Variants in GRXCR2 observed in about 807,000 individuals in gnomAD.
GRXCR2 encodes glutaredoxin domain-containing cysteine-rich protein 2.
GRXCR2 carries 23 observed loss-of-function variants against 24.8 expected under a neutral mutation model. That is an observed-to-expected ratio of 0.93 (90% CI 0.67 to 1.32). GRXCR2 has a LOEUF of 1.32. GRXCR2 is among the 40% of genes most tolerant of loss of function. The probability of loss-of-function intolerance (pLI) is 0.00; values close to 1 mark genes in which losing one functional copy is unlikely to be tolerated. For synonymous variants in GRXCR2, 130 were observed against 116.1 expected (o/e 1.12, Z -0.77); for missense variants, 315 against 303.4 (o/e 1.04, Z -0.28).
At chr5:145,897,616 C>T (rs1346429944) in intron 2 of GRXCR2, among the ~76,000 whole-genome samples, 1 of 151,916 alleles carries the variant, frequency 6.6e-6, no homozygotes, top group Non-Finnish European at 1.5e-5. Context: ...TTATACTAAC[C>T]ATACACTCAG....
downstream of GRXCR2, among the ~76,000 whole-genome samples, chr5:145,858,288 TG>T (rs1345157156): frequency 1.5e-5 from 2 of 135,492 alleles, no homozygotes; most frequent in African/African-American, 5.5e-5. Context: ...CACTCCAGCC[TG>T]AGCAACAGAG....
At chr5:145,916,979 T>A (rs1429232847) in intron 2 of GRXCR2, among the ~76,000 whole-genome samples, 1 of 151,694 alleles carries the variant, frequency 6.6e-6, no homozygotes, top group Non-Finnish European at 1.5e-5. Flanking sequence ...CTTAAAATCA[T>A]AGCCACATAC....
intron 2 of GRXCR2, among the ~76,000 whole-genome samples, chr5:145,890,842 A>G (rs1042082614): frequency 2.0e-5 from 3 of 152,150 alleles, no homozygotes; most frequent in African/African-American, 4.8e-5. Context: ...GAATTAAAAA[A>G]AAAAAAAGAC....
Position 145,859,654 on chromosome 5 carries a change from A to AGGG in GRXCR2, c.*78_*79insCCC. ...CTGTGGCCTCCTTGTTGGGAGAGGCAGGAGGAGGAGAAGGGGGCGGTTTAT... is the reference window on the plus strand; with the variant it reads ...CTGTGGCCTCCTTGTTGGGAGAGGCAGGGGGAGGAGGAGAAGGGGGCGGTTTAT... On this transcript the variant is annotated 3_prime_UTR_variant, in exon 3 of 3. Coordinates refer to ENST00000377976, the MANE Select transcript of GRXCR2 (RefSeq NM_001080516.2). 7.5e-7 allele frequency: 1 copy of AGGG among 1,332,190 alleles called. No homozygotes were observed. The allele number at this position is 1,332,190 out of a possible 1,614,324, so 82.5% of individuals were successfully genotyped here.
intron 2 of GRXCR2, among the ~76,000 whole-genome samples, chr5:145,895,365 T>A (rs1756933222): frequency 6.6e-6 from 1 of 152,142 alleles, no homozygotes; most frequent in South Asian, 2.1e-4. Flanking sequence ...GCAGATGACA[T>A]GATTGTATAT....
intron 2 of GRXCR2, among the ~76,000 whole-genome samples, chr5:145,900,649 G>A (rs1049526881): frequency 6.6e-6 from 1 of 152,172 alleles, no homozygotes; most frequent in Non-Finnish European, 1.5e-5. Flanking sequence ...ACAGATATTG[G>A]CAAGGCTGCA....
chr5:145,875,916 C>A (rs1336471995), upstream of GRXCR2, among the ~76,000 whole-genome samples: 1 of 152,070 alleles, frequency 6.6e-6, no homozygotes, highest in Non-Finnish European at 1.5e-5. Context: ...GTAATCCCAG[C>A]TACTCAGGAG....
intron 2 of GRXCR2, among the ~76,000 whole-genome samples, chr5:145,896,727 G>A (rs1353091961): frequency 2.0e-5 from 3 of 152,222 alleles, no homozygotes; most frequent in East Asian, 1.9e-4. Context: ...TCAGTGTGGC[G>A]ATTCCTCAGG....
chr5:145,897,272 T>G (rs1756964887), intron 2 of GRXCR2, among the ~76,000 whole-genome samples: 1 of 151,008 alleles, frequency 6.6e-6, no homozygotes, highest in South Asian at 2.1e-4. Context: ...CATACATACA[T>G]ACATACATAC....
chr5:145,900,940 C>G (rs1757015506), intron 2 of GRXCR2, among the ~76,000 whole-genome samples: 1 of 152,194 alleles, frequency 6.6e-6, no homozygotes, highest in South Asian at 2.1e-4. Flanking sequence ...TACATATATA[C>G]TGTGGAACAC....
rs447402 is a variant in GRXCR2, at chr5:145,872,764, C to A, written c.205G>T (p.Glu69Ter). The change falls in exon 1 of 3, where the codon GAA becomes TAA. Residue 69 changes from glutamate (E) to a stop codon, truncating the protein, a stop_gained. Transcript: ENST00000377976. LOFTEE classifies it high-confidence loss of function. The part of the protein sequence containing the change: ...ETMDGVYGSG[E>*]VPRPQMCSPK... Reference sequence around the variant, plus strand: ...GAGCACATCTGGGGCCTGGGGACTTCCCCAGACCCATAAACACCATCCATT... The same window carrying A: ...GAGCACATCTGGGGCCTGGGGACTTACCCAGACCCATAAACACCATCCATT... 1 of 1,614,152 alleles carries A rather than the reference C, an allele frequency of 6.2e-7. No homozygotes were observed. Among genetic ancestry groups the A allele is most frequent in the Admixed American group, 1.7e-5 (1 of 60,032 alleles).
chr5:145,913,248 A>G (rs1757191284), intron 2 of GRXCR2, among the ~76,000 whole-genome samples: 1 of 152,150 alleles, frequency 6.6e-6, no homozygotes, highest in Admixed American at 6.5e-5. Flanking sequence ...TGGTTCCAGG[A>G]TCCAACTCAG....
At chr5:145,873,472 G>C (rs1309468817), upstream of GRXCR2, among the ~76,000 whole-genome samples, 2 of 152,200 alleles carry the variant, frequency 1.3e-5, no homozygotes, top group African/African-American at 4.8e-5. Context: ...ACAGGGGAAA[G>C]TGAGGCTTAG....
chr5:145,894,343 A>T (rs1165663672), intron 2 of GRXCR2, among the ~76,000 whole-genome samples: 1 of 152,218 alleles, frequency 6.6e-6, no homozygotes, highest in Non-Finnish European at 1.5e-5. Flanking sequence ...TGAATCCAGG[A>T]GCTGGTTTTT....
At chr5:145,897,783 C>T (rs919157069) in intron 2 of GRXCR2, among the ~76,000 whole-genome samples, 84 of 152,128 alleles carry the variant, frequency 5.5e-4, no homozygotes, top group African/African-American at 2.0e-3. Flanking sequence ...AAAACAGAGA[C>T]ACAACATACC....
intron 1 of GRXCR2, among the ~76,000 whole-genome samples, chr5:145,869,147 T>G (rs531279726): frequency 6.6e-6 from 1 of 152,358 alleles, no homozygotes; most frequent in Non-Finnish European, 1.5e-5. Context: ...AGAAATTCAG[T>G]GGGCTTTGGA....
intron 2 of GRXCR2, among the ~76,000 whole-genome samples, chr5:145,923,256 G>T (rs1045468271): frequency 1.4e-4 from 21 of 152,160 alleles, no homozygotes; most frequent in African/African-American, 5.1e-4. Context: ...TATAATAAGT[G>T]TCATACCCTG....
intron 2 of GRXCR2, among the ~76,000 whole-genome samples, chr5:145,915,057 G>GT (rs1757217970): frequency 6.6e-6 from 1 of 152,150 alleles, no homozygotes; most frequent in Non-Finnish European, 1.5e-5. Context: ...TGTATTTTGA[G>GT]TAAGTCCCTT....
chr5:145,879,078 C>A (rs418198), intron 2 of GRXCR2, among the ~76,000 whole-genome samples: 11,396 of 152,060 alleles, frequency 0.075, 787 homozygotes, highest in African/African-American at 0.18. Context: ...AGTACCAGCC[C>A]CTGCAAAAAC....
Sources: allele counts gnomAD v4.1 joint callset (sites outside exome capture counted in the v4.1 genomes callset), GRCh38; gene constraint gnomAD v4.1.1; transcripts MANE v1.5; gene names NCBI Gene and HGNC (gene_info 2026-07-23, HGNC 2026-07-21).